Variants in RBFOX1 observed in about 807,000 individuals in gnomAD.
RBFOX1 encodes RNA binding protein fox-1 homolog 1.
A neutral mutation model predicts 57.7 loss-of-function variants in RBFOX1; 8 were observed. The ratio of observed to expected loss-of-function variants is 0.14; its 90% CI spans 0.08 to 0.25. The LOEUF (loss-of-function observed/expected upper bound fraction) is 0.25, where lower values mean the gene tolerates loss of function less well. RBFOX1 is among the 10% of genes least tolerant of loss of function. RBFOX1 has a pLI of 1.00. For synonymous variants in RBFOX1, 326 were observed against 222.4 expected, an observed-to-expected ratio of 1.47 and a Z score of -4.15; for missense variants, 611 against 548.5, an observed-to-expected ratio of 1.11 and a Z score of -1.14.
intron 1 of RBFOX1, among the ~76,000 whole-genome samples, chr16:5,428,610 CG>C (rs1022509807): frequency 2.6e-4 from 39 of 151,948 alleles, no homozygotes; most frequent in African/African-American, 8.5e-4. Flanking sequence ...TGACGTTAGC[CG>C]GGGAGATCTG....
intron 3 of RBFOX1, among the ~76,000 whole-genome samples, chr16:5,815,508 C>A (rs1381451411): frequency 1.3e-5 from 2 of 151,952 alleles, no homozygotes; most frequent in Non-Finnish European, 2.9e-5. Flanking sequence ...ACTAATGGAC[C>A]AAGAAAAGGT....
intron 3 of RBFOX1, among the ~76,000 whole-genome samples, chr16:6,755,502 T>C (rs1157435560): frequency 6.6e-6 from 1 of 152,222 alleles, no homozygotes; most frequent in African/African-American, 2.4e-5. Context: ...AAATGTCTCC[T>C]GTTTTAATGC....
At chr16:5,243,360 C>A (rs564219702) in intron 1 of RBFOX1, among the ~76,000 whole-genome samples, 2 of 152,272 alleles carry the variant, frequency 1.3e-5, no homozygotes, top group African/African-American at 4.8e-5. Flanking sequence ...GGGTTGAAAC[C>A]AGATCAGGAA....
In RBFOX1 at chr16:7,127,154, A is replaced by G. The variant is rs556588455; in HGVS notation, c.27+75056A>G. On this transcript the variant is annotated intron_variant, in intron 4 of 15. Coordinates refer to ENST00000550418, the MANE Select transcript of RBFOX1 (RefSeq NM_018723.4). ...GGCTGGTGTTCTACCCCTGACTGTG[A>G]TTATAATTTCAGAGAAAGAAAAGTC... Among the ~76,000 whole-genome samples, 42 of 152,202 alleles carry G rather than the reference A, an allele frequency of 2.8e-4. 1 individual carries two copies. The South Asian group carries it at 8.3e-3, about 30-fold the overall frequency.
At chr16:5,771,937 G>A (rs1022059043) in intron 3 of RBFOX1, among the ~76,000 whole-genome samples, 3 of 152,192 alleles carry the variant, frequency 2.0e-5, no homozygotes, top group Admixed American at 6.5e-5. Context: ...ACTTTGGGAG[G>A]TCGAGGGGGG....
At chr16:6,760,774 G>C (rs373144938) in intron 3 of RBFOX1, among the ~76,000 whole-genome samples, 3 of 152,342 alleles carry the variant, frequency 2.0e-5, no homozygotes, top group African/African-American at 7.2e-5. Context: ...GAGATGAGCA[G>C]TCACGTATTT....
chr16:6,312,163 C>G (rs1478031954), intron 1 of RBFOX1, among the ~76,000 whole-genome samples: 2 of 152,170 alleles, frequency 1.3e-5, no homozygotes, highest in African/African-American at 2.4e-5. Flanking sequence ...GAAATCCATT[C>G]AAACTCACTC....
chr16:6,074,277 G>A (rs1254761008), intron 1 of RBFOX1, among the ~76,000 whole-genome samples: 1 of 152,060 alleles, frequency 6.6e-6, no homozygotes, highest in East Asian at 1.9e-4. Flanking sequence ...CCCCCTCTCT[G>A]TTTCTTGCAC....
chr16:7,665,995 G>A (rs1040152698), intron 13 of RBFOX1, among the ~76,000 whole-genome samples: 1 of 152,018 alleles, frequency 6.6e-6, no homozygotes, highest in Non-Finnish European at 1.5e-5. Context: ...ATAATCTGTG[G>A]GTTAGTATTT....
intron 3 of RBFOX1, among the ~76,000 whole-genome samples, chr16:6,933,682 T>G (rs2076922475): frequency 6.6e-6 from 1 of 152,192 alleles, no homozygotes; most frequent in African/African-American, 2.4e-5. Flanking sequence ...GACTGCACAC[T>G]CCAGCCTGGG....
At chr16:6,810,891 G>T (rs111593240) in intron 3 of RBFOX1, among the ~76,000 whole-genome samples, 123 of 152,270 alleles carry the variant, frequency 8.1e-4, no homozygotes, top group African/African-American at 2.7e-3. Flanking sequence ...TACGGTTCAA[G>T]AGCTGATTTG....
At chr16:7,285,990 A>T (rs1290114676) in intron 4 of RBFOX1, among the ~76,000 whole-genome samples, 3 of 152,158 alleles carry the variant, frequency 2.0e-5, no homozygotes, top group African/African-American at 7.2e-5. Flanking sequence ...CCATCCGGGT[A>T]AGTAGACTGA....
chr16:7,603,747 G>C (rs774832509), intron 9 of RBFOX1, among the ~76,000 whole-genome samples: 25 of 152,160 alleles, frequency 1.6e-4, no homozygotes, highest in Non-Finnish European at 2.9e-4. Flanking sequence ...AAGGGAAGTG[G>C]TACCAAAGAG....
At chr16:5,402,096 G>A (rs1211965329) in intron 1 of RBFOX1, among the ~76,000 whole-genome samples, 1 of 152,036 alleles carries the variant, frequency 6.6e-6, no homozygotes, top group African/African-American at 2.4e-5. Flanking sequence ...AAGAACAAGG[G>A]GGCATTTACC....
chr16:6,961,529 A>G (rs2083011335), intron 3 of RBFOX1, among the ~76,000 whole-genome samples: 1 of 152,238 alleles, frequency 6.6e-6, no homozygotes, highest in East Asian at 1.9e-4. Context: ...CGTAAAGTCA[A>G]AGCAAGTTTA....
chr16:6,061,625 TATTTTCAGAAATTTATTCTTA>T (rs1307820792), intron 1 of RBFOX1, among the ~76,000 whole-genome samples: 8 of 152,046 alleles, frequency 5.3e-5, no homozygotes, highest in Non-Finnish European at 1.2e-4. Flanking sequence ...AAATGAAAAT[TATTTTCAGAAATTTATTCTTA>T]ACAATATAAA....
At chr16:6,851,174 T>C (rs1464376770) in intron 3 of RBFOX1, among the ~76,000 whole-genome samples, 1 of 152,248 alleles carries the variant, frequency 6.6e-6, no homozygotes, top group Non-Finnish European at 1.5e-5. Flanking sequence ...ATCATTTTTA[T>C]GTATCTAAAG....
At chr16:7,484,809 T>A (rs542420236) in intron 4 of RBFOX1, among the ~76,000 whole-genome samples, 2 of 152,204 alleles carry the variant, frequency 1.3e-5, no homozygotes, top group Non-Finnish European at 2.9e-5. Context: ...TATATTGTTA[T>A]GTATCTAACT....
At chr16:7,200,728 G>C (rs894003731) in intron 4 of RBFOX1, among the ~76,000 whole-genome samples, 2 of 152,262 alleles carry the variant, frequency 1.3e-5, no homozygotes, top group Admixed American at 1.3e-4. Context: ...AGCAGAGAGG[G>C]ATCCCCATTA....
Sources: gnomAD v4.1 joint callset for allele counts (sites outside exome capture counted in the v4.1 genomes callset) on GRCh38, gnomAD v4.1.1 for gene constraint, MANE v1.5 for transcripts, NCBI Gene and HGNC (gene_info 2026-07-23, HGNC 2026-07-21) for gene names.